DIPK1B: variants seen among roughly 807,000 people sequenced by gnomAD.
The protein encoded by DIPK1B is divergent protein kinase domain 1B, also known as family with sequence similarity 69 member B.
Under a neutral mutation model 20.7 loss-of-function variants are expected in DIPK1B, and 17 were observed. The observed-to-expected ratio is 0.82, with a 90% CI of 0.56 to 1.23. DIPK1B has a LOEUF of 1.23. Among genes scored for constraint, DIPK1B ranks in the 50% most tolerant of loss-of-function variants. The pLI is 0.00. For synonymous variants in DIPK1B, 343 were observed against 276.5 expected (o/e 1.24, Z -2.39); for missense variants, 648 against 601.8 (o/e 1.08, Z -0.80).
At chr9:136,715,505 G>A (rs2131039966) in intron 1 of DIPK1B, among the ~76,000 whole-genome samples, 1 of 151,938 alleles carries the variant, frequency 6.6e-6, no homozygotes, top group African/African-American at 2.4e-5. Flanking sequence ...GGGGCCAGGG[G>A]CTGCCTGCTT....
At chr9:136,722,611 G>T (rs959224185) in intron 4 of DIPK1B, 3 of 555,578 alleles carry the variant, frequency 5.4e-6, no homozygotes, top group Non-Finnish European at 9.6e-6. Context: ...GAAAGGGGCC[G>T]CTTCCCAGGG....
rs747006264 is a variant in DIPK1B at position 136,723,059 on chromosome 9, C to G, written c.581C>G (p.Ala194Gly). Residue 194 changes from alanine (A) to glycine (G), a missense_variant, in exon 5 of 5, where the codon GCC becomes GGC. Coordinates refer to ENST00000371692, the MANE Select transcript of DIPK1B (RefSeq NM_152421.4). ...GACAACCGGGTGTCCCTGGCGGAAG[C>G]CAAGTCCGTGTGGGCCCTGCTGCAG... ...NKDNRVSLAE[A>G]KSVWALLQRN... is the part of the protein sequence containing the mutation. 2 of 1,613,436 alleles carry G rather than the reference C, an allele frequency of 1.2e-6. No homozygotes were observed. The highest frequency in any genetic ancestry group is 1.7e-6 in the Non-Finnish European group (2 of 1,180,036).
intron 1 of DIPK1B, among the ~76,000 whole-genome samples, chr9:136,713,176 A>G (rs535372262): frequency 4.7e-4 from 71 of 152,030 alleles, no homozygotes; most frequent in African/African-American, 1.7e-3. Flanking sequence ...TGACCCCGGG[A>G]TGACCTTGAA....
At chr9:136,717,159 GC>G (rs1451142045) in intron 1 of DIPK1B, among the ~76,000 whole-genome samples, 4 of 151,934 alleles carry the variant, frequency 2.6e-5, no homozygotes, top group South Asian at 2.1e-4. Flanking sequence ...AACCCGGGAG[GC>G]AGAGGTTGCA....
intron 2 of DIPK1B, among the ~76,000 whole-genome samples, chr9:136,718,528 G>A (rs1846538465): frequency 6.6e-6 from 1 of 152,208 alleles, no homozygotes; most frequent in Middle Eastern, 3.2e-3. Flanking sequence ...TCCCAGCTCT[G>A]TCTTCCTGGC....
chr9:136,712,727 A>T lies in DIPK1B; in HGVS notation c.62A>T (p.Gln21Leu). The T allele has an allele frequency of 1.5e-6, 2 of 1,349,634 alleles. No homozygotes were observed. Among genetic ancestry groups the T allele is most frequent in the Non-Finnish European group, 1.9e-6 (2 of 1,054,088 alleles). The allele number at this position is 1,349,634 out of a possible 1,614,324, so 83.6% of individuals were successfully genotyped here. A position where few individuals can be genotyped will look rare whatever the true frequency, so the allele number is the denominator to read the frequency against. ...TTCTGCCCCTTCTCCAAGCGCCTGC[A>T]GGTAAGCGCGGTGCGCGCCCGCCGC... Reference protein sequence around the residue: ...VLFCPFSKRLQGRLPGLRVRC... With the variant: ...VLFCPFSKRLLGRLPGLRVRC... Residue 21 changes from glutamine to leucine, a missense_variant and splice_region_variant, in exon 1 of 5, where the codon CAG becomes CTG. Physicochemically the swap from Gln to Leu is moderately radical, Grantham distance 113 (BLOSUM62 -2). Transcript: ENST00000371692. The surrounding 1 kb of genome is among the most constrained non-coding windows in gnomAD (Gnocchi z 5.6).
Position 136,721,941 on chromosome 9 carries a change from G to A in DIPK1B, c.219G>A (p.Gly73=). The stretch of plus-strand genomic sequence containing the variant: ...CTCAGTGTGACCAGTACCGCAAGGG[G>A]ATCATCTCGGGCTCCGTCTGCCAGG... The part of the protein sequence containing the change: ...QVVICDQYRK[G]IISGSVCQDL... The change falls in exon 3 of 5, where the codon GGG becomes GGA. Residue 73 remains glycine, a synonymous_variant. Coordinates refer to ENST00000371692, the MANE Select transcript of DIPK1B (RefSeq NM_152421.4). 1 of 1,613,486 alleles carries A rather than the reference G, an allele frequency of 6.2e-7. No homozygotes were observed. Among genetic ancestry groups the A allele is most frequent in the Non-Finnish European group, 8.5e-7 (1 of 1,179,972 alleles).
intron 2 of DIPK1B, among the ~76,000 whole-genome samples, chr9:136,719,074 G>A (rs558410922): frequency 4.5e-4 from 64 of 143,704 alleles, no homozygotes; most frequent in Non-Finnish European, 4.4e-4. Flanking sequence ...GCTGTGCCCC[G>A]ATCAGATGCA....
Position 136,723,264 on chromosome 9 carries a change from GTGGC to G in DIPK1B, c.790_793del (p.Leu264GlyfsTer90), listed in dbSNP as rs762229890. The G allele has an allele frequency of 7.4e-6, 12 of 1,612,686 alleles. No individual in the cohort carries two copies. The highest frequency in any genetic ancestry group is 1.0e-5 in the Non-Finnish European group (12 of 1,179,762). ...CTGCCCTGCAGGGTGCTCTCCAGCA[GTGGC>G]TGGGGCCTGCGTGGCCTTGGCGGGC... On this transcript the variant is annotated frameshift_variant, in exon 5 of 5. Transcript: ENST00000371692. LOFTEE classifies it low-confidence loss of function (END_TRUNC).
At chr9:136,719,023 G>A (rs915316067) in intron 2 of DIPK1B, among the ~76,000 whole-genome samples, 1 of 152,096 alleles carries the variant, frequency 6.6e-6, no homozygotes, top group African/African-American at 2.4e-5. Flanking sequence ...AGGGCCGGAG[G>A]GTGGCACATG....
Position 136,724,352 on chromosome 9 carries a change from A to G in DIPK1B, c.*578A>G, listed in dbSNP as rs982792480. ...AAGGTGTTCCAGTAAGAAAACAGAT[A>G]TATGCGGTATTTTAAAAACTGATTT... is the stretch of plus-strand genomic sequence containing the variant. On this transcript the variant is annotated 3_prime_UTR_variant, in exon 5 of 5. Coordinates refer to ENST00000371692, the MANE Select transcript of DIPK1B (RefSeq NM_152421.4). Among the ~76,000 whole-genome samples, 1 of 152,228 alleles carries G rather than the reference A, an allele frequency of 6.6e-6. No individual in the cohort carries two copies. Among genetic ancestry groups the G allele is most frequent in the African/African-American group, 2.4e-5 (1 of 41,452 alleles).
In DIPK1B at chr9:136,724,006, G is replaced by T. The variant is rs769105866; in HGVS notation, c.*232G>T. 5.2e-6 allele frequency: 3 copies of T among 576,692 alleles called. No individual in the cohort carries two copies. The highest frequency in any genetic ancestry group is 9.3e-6 in the Non-Finnish European group (3 of 323,218). 35.7% of individuals were successfully genotyped at this position (576,692 alleles called of 1,614,324 possible). On this transcript the variant is annotated 3_prime_UTR_variant, in exon 5 of 5. Coordinates refer to ENST00000371692, the MANE Select transcript of DIPK1B (RefSeq NM_152421.4). ...CTCCAAGGGGGTTTGTTACTCTGAA[G>T]AACGTAATGTCAATAAACAGCTTTT...
In DIPK1B at chr9:136,716,066, G is replaced by A. The variant is rs115215737; in HGVS notation, c.64-1511G>A. ...GTGGGTCCTGCAGGATTTGTGCTTT[G>A]GTGACGGGCTCGTTTCACTGAGCCT... On this transcript the variant is annotated intron_variant, in intron 1 of 4. Transcript: ENST00000371692. Among the ~76,000 whole-genome samples the A allele has an allele frequency of 8.0e-3, 1,222 of 152,028 alleles. 18 individuals are homozygous for A. Among genetic ancestry groups the A allele is most frequent in the African/African-American group, 0.028 (1,159 of 41,456 alleles).
chr9:136,717,576 G>A lies in DIPK1B; in HGVS notation c.64-1G>A. 1.3e-6 allele frequency: 2 copies of A among 1,598,574 alleles called. No homozygotes were observed. The highest frequency in any genetic ancestry group is 1.7e-6 in the Non-Finnish European group (2 of 1,179,388). Reference sequence around the variant, plus strand: ...TCCTCACGCAGCCCCTTCCCCCACAGGGCCGGCTCCCAGGCCTCAGGGTCC... The same window carrying A: ...TCCTCACGCAGCCCCTTCCCCCACAAGGCCGGCTCCCAGGCCTCAGGGTCC... On this transcript the variant is annotated splice_acceptor_variant, in intron 1 of 4. Coordinates refer to ENST00000371692, the MANE Select transcript of DIPK1B (RefSeq NM_152421.4). LOFTEE classifies it high-confidence loss of function.
Position 136,723,698 on chromosome 9 carries a change from A to G in DIPK1B, c.1220A>G (p.Glu407Gly). The change falls in exon 5 of 5, where the codon GAG becomes GGG. Residue 407 changes from glutamate to glycine, a missense_variant. By Grantham distance (98) the Glu-to-Gly change is moderately conservative. Transcript: ENST00000371692. ...CTGAGCGGGCTGGCCAGCCAGGTGGAGGCCCATCACTCGCTGGTGCTCAGC... is the reference window on the plus strand; with the variant it reads ...CTGAGCGGGCTGGCCAGCCAGGTGGGGGCCCATCACTCGCTGGTGCTCAGC... ...TTLSGLASQV[E>G]AHHSLVLSHL... The G allele has an allele frequency of 6.5e-7, 1 of 1,539,540 alleles. No individual in the cohort carries two copies. The highest frequency in any genetic ancestry group is 8.7e-7 in the Non-Finnish European group (1 of 1,147,430).
chr9:136,722,695 G>A, intron 4 of DIPK1B: 1 of 582,014 alleles, frequency 1.7e-6, no homozygotes, highest in Non-Finnish European at 3.0e-6. Context: ...CTCTGCCCAG[G>A]TGCCCACCCC....
rs901859122 is a variant in DIPK1B, at chr9:136,724,717, G to T, written c.*943G>T. On this transcript the variant is annotated 3_prime_UTR_variant, in exon 5 of 5. Coordinates refer to ENST00000371692, the MANE Select transcript of DIPK1B (RefSeq NM_152421.4). Reference sequence around the variant, plus strand: ...TTTTAAAATAAATGTTTTCCATATAGATTTTCCCCTTGGGGGGGAAAAGAA... The same window carrying T: ...TTTTAAAATAAATGTTTTCCATATATATTTTCCCCTTGGGGGGGAAAAGAA... 4 of 152,206 alleles carry T rather than the reference G, an allele frequency of 2.6e-5. No individual in the cohort carries two copies. The highest frequency in any genetic ancestry group is 9.6e-5 in the African/African-American group (4 of 41,452). The allele number at this position is 152,206 out of a possible 1,614,324, so 9.4% of individuals were successfully genotyped here. A position where few individuals can be genotyped will look rare whatever the true frequency, so the allele number is the denominator to read the frequency against.
chr9:136,718,257 G>A (rs1201067772), intron 2 of DIPK1B, among the ~76,000 whole-genome samples: 1 of 149,496 alleles, frequency 6.7e-6, no homozygotes, highest in African/African-American at 2.5e-5. Flanking sequence ...AGAGACCCCC[G>A]TGTGCTGGCC....
Position 136,712,701 on chromosome 9 carries a change from C to T in DIPK1B, c.36C>T (p.Leu12=). 2 of 1,367,322 alleles carry T rather than the reference C, an allele frequency of 1.5e-6. No homozygotes were observed. Among genetic ancestry groups the T allele is most frequent in the Non-Finnish European group, 1.9e-6 (2 of 1,061,006 alleles). 84.7% of individuals were successfully genotyped at this position (1,367,322 alleles called of 1,614,324 possible). A position where few individuals can be genotyped will look rare whatever the true frequency, so the allele number is the denominator to read the frequency against. Reference sequence around the variant, plus strand: ...TGCGGCGCCTGGCGCACCTGGTGCTCTTCTGCCCCTTCTCCAAGCGCCTGC... The same window carrying T: ...TGCGGCGCCTGGCGCACCTGGTGCTTTTCTGCCCCTTCTCCAAGCGCCTGC... ...RRLRRLAHLV[L]FCPFSKRLQG... Residue 12 remains leucine, a synonymous_variant, in exon 1 of 5, where the codon CTC becomes CTT. Transcript: ENST00000371692. The surrounding 1 kb of genome is among the most constrained non-coding windows in gnomAD (Gnocchi z 5.6).
Sources: gnomAD v4.1 joint callset for allele counts (sites outside exome capture counted in the v4.1 genomes callset) on GRCh38, gnomAD v4.1.1 for gene constraint, Gnocchi (gnomAD v3.1) non-coding constraint, MANE v1.5 for transcripts, NCBI Gene and HGNC (gene_info 2026-07-23, HGNC 2026-07-21) for gene names.